UGT1A10: variants seen among roughly 807,000 people sequenced by gnomAD.
UGT1A10 encodes UDP-glucuronosyltransferase 1A10.
A neutral mutation model predicts 45.8 loss-of-function variants in UGT1A10; 49 were observed. The observed-to-expected ratio is 1.07, with a 90% CI of 0.85 to 1.36. The LOEUF is 1.36. Among genes scored for constraint, UGT1A10 ranks in the 40% most tolerant of loss-of-function variants. UGT1A10 has a pLI of 0.00. For missense variants in UGT1A10, 745 were observed against 668.6 expected (o/e 1.11, Z -1.26); for synonymous variants, 284 against 249.7 (o/e 1.14, Z -1.29).
intron 1 of UGT1A10, among the ~76,000 whole-genome samples, chr2:233,653,989 CT>C (rs1463243738): frequency 6.6e-6 from 1 of 152,200 alleles, no homozygotes; most frequent in East Asian, 1.9e-4. Flanking sequence ...ATGCCTAATG[CT>C]TACACACTTA....
intron 1 of UGT1A10, among the ~76,000 whole-genome samples, chr2:233,651,734 A>G (rs1325749268): frequency 6.6e-6 from 1 of 152,138 alleles, no homozygotes; most frequent in East Asian, 1.9e-4. Flanking sequence ...TCATAGTCTG[A>G]AGTGTCTGAT....
intron 1 of UGT1A10, chr2:233,693,915 C>A: frequency 6.2e-7 from 1 of 1,611,846 alleles, no homozygotes; most frequent in Non-Finnish European, 8.5e-7. Context: ...CAGGCTCTGT[C>A]CTCCCTCACT....
intron 2 of UGT1A10, 111 bp downstream of exon 2, chr2:233,767,276 C>CGGAA (rs1699353550): frequency 6.3e-7 from 1 of 1,578,136 alleles, no homozygotes; most frequent in Non-Finnish European, 8.5e-7. Context: ...TTGGCTTTTC[C>CGGAA]CTGCCACTTC....
chr2:233,718,895 G>A (rs1353556395), intron 1 of UGT1A10: 3 of 1,614,026 alleles, frequency 1.9e-6, no homozygotes, highest in Non-Finnish European at 8.5e-7. Context: ...TCCAGCCCTG[G>A]GCTGAGAGTG....
At chr2:233,738,879 G>A (rs1446343091) in intron 1 of UGT1A10, 1 of 152,238 alleles carries the variant, frequency 6.6e-6, no homozygotes, top group Admixed American at 6.5e-5. Context: ...TCCAGGGCAT[G>A]TCAGAGACCT....
intron 1 of UGT1A10, among the ~76,000 whole-genome samples, chr2:233,706,495 C>A (rs982553703): frequency 2.0e-5 from 3 of 152,192 alleles, no homozygotes; most frequent in African/African-American, 7.2e-5. Flanking sequence ...GGTGTCCAGG[C>A]TGGTGTGATG....
intron 1 of UGT1A10, among the ~76,000 whole-genome samples, chr2:233,652,276 T>G (rs1206669968): frequency 6.6e-6 from 1 of 152,246 alleles, no homozygotes; most frequent in Non-Finnish European, 1.5e-5. Flanking sequence ...AACTTTTTTT[T>G]GTCAAAGTTT....
chr2:233,719,241 C>T (rs754909283), intron 1 of UGT1A10: 36 of 1,614,058 alleles, frequency 2.2e-5, no homozygotes, highest in Middle Eastern at 3.3e-4. Flanking sequence ...GATCAGGCAC[C>T]TGAATGCTAC....
At chr2:233,650,782 A>T (rs1011003672) in intron 1 of UGT1A10, among the ~76,000 whole-genome samples, 1 of 152,196 alleles carries the variant, frequency 6.6e-6, no homozygotes, top group East Asian at 1.9e-4. Context: ...GATCCTATTC[A>T]GACATGTTTT....
At chr2:233,768,021 G>A (rs1699549230) in intron 3 of UGT1A10, 85 bp downstream of exon 3, 3 of 1,613,440 alleles carry the variant, frequency 1.9e-6, no homozygotes, top group East Asian at 2.2e-5. Flanking sequence ...AAGGATTGTT[G>A]AGCTTGAAAA....
intron 1 of UGT1A10, chr2:233,693,831 G>A (rs1277400223): frequency 1.2e-6 from 2 of 1,614,178 alleles, no homozygotes; most frequent in Middle Eastern, 1.6e-4. Flanking sequence ...TTCATTGGAG[G>A]TATCAACTGT....
At chr2:233,717,606 A>G (rs1201651374) in intron 1 of UGT1A10, among the ~76,000 whole-genome samples, 2 of 152,238 alleles carry the variant, frequency 1.3e-5, no homozygotes, top group Admixed American at 6.5e-5. Context: ...GAAAGTGGGC[A>G]CAGCCCAGAG....
In UGT1A10 at chr2:233,766,936, A is replaced by T. The variant is rs911091346; in HGVS notation, c.856-98A>T. The T allele has an allele frequency of 4.4e-6, 7 of 1,586,086 alleles. No homozygotes were observed. The South Asian group carries it at 7.0e-5, about 16-fold the overall frequency. ...ATCTCAAACACGCATGCCTTTAATC[A>T]TAGTCTTAAGAGGAAGATATCTAAT... is the stretch of plus-strand genomic sequence containing the variant. On this transcript the variant is annotated intron_variant, in intron 1 of 4. Coordinates refer to ENST00000344644, the MANE Select transcript of UGT1A10 (RefSeq NM_019075.4).
At chr2:233,713,023 A>G (rs576086579) in intron 1 of UGT1A10, 145 of 1,613,794 alleles carry the variant, frequency 9.0e-5, no homozygotes, top group Middle Eastern at 7.0e-4. Context: ...CCCCTGCCGC[A>G]GCTGGCCACA....
At chr2:233,658,285 C>T (rs1474352250) in intron 1 of UGT1A10, among the ~76,000 whole-genome samples, 1 of 152,176 alleles carries the variant, frequency 6.6e-6, no homozygotes, top group African/African-American at 2.4e-5. Context: ...TCCCAAAGTG[C>T]TGGGATTACA....
chr2:233,690,871 G>C (rs960988166), intron 1 of UGT1A10: 1 of 1,062,200 alleles, frequency 9.4e-7, no homozygotes, highest in Non-Finnish European at 1.1e-6. Flanking sequence ...TTTGCAAGAA[G>C]GTGTTAGGAA....
chr2:233,667,280 G>A (rs1196070660), intron 1 of UGT1A10, among the ~76,000 whole-genome samples: 4 of 152,190 alleles, frequency 2.6e-5, no homozygotes, highest in Admixed American at 6.5e-5. Context: ...AAGAAATGGG[G>A]AAAGGATTCC....
rs575083074 is a variant in UGT1A10, at chr2:233,732,492, C to T, written c.856-34542C>T. ...ATCTGGAATTAATTTTTGTATAAGGCGTAAGGAAGGGATCCTGTTCCAGCT... is the reference window on the plus strand; with the variant it reads ...ATCTGGAATTAATTTTTGTATAAGGTGTAAGGAAGGGATCCTGTTCCAGCT... On this transcript the variant is annotated intron_variant, in intron 1 of 4. Transcript: ENST00000344644. 1.1e-3 allele frequency among the ~76,000 whole-genome samples: 168 copies of T among 152,214 alleles called. 2 individuals are homozygous for T. Among genetic ancestry groups the T allele is most frequent in the Middle Eastern group, 0.01 (3 of 294 alleles).
chr2:233,766,981 G>A, intron 1 of UGT1A10, 53 bp from the exon 2 acceptor site: 1 of 1,612,648 alleles, frequency 6.2e-7, no homozygotes, highest in Non-Finnish European at 8.5e-7. Flanking sequence ...ACTGTATGTA[G>A]TCATCAAAGA....
Sources: gnomAD v4.1 joint callset for allele counts (sites outside exome capture counted in the v4.1 genomes callset) on GRCh38, gnomAD v4.1.1 for gene constraint, MANE v1.5 for transcripts, NCBI Gene and HGNC (gene_info 2026-07-23, HGNC 2026-07-21) for gene names.